The following ADAMTS12 variants were observed in gnomAD, a reference collection of about 807,000 sequenced individuals.
ADAMTS12 encodes ADAM metallopeptidase with thrombospondin type 1 motif 12.
In ADAMTS12, 118 loss-of-function variants were observed where a neutral mutation model predicts 167.8. That is an observed-to-expected ratio of 0.70 (90% CI 0.61 to 0.82). The LOEUF (loss-of-function observed/expected upper bound fraction) is 0.82, where lower values mean the gene tolerates loss of function less well. ADAMTS12 is among the 40% of genes least tolerant of loss of function. The pLI is 0.00. For missense variants in ADAMTS12, 1,916 were observed against 1,998.8 expected, an observed-to-expected ratio of 0.96 and a Z score of 0.79; for synonymous variants, 704 against 716.9, an observed-to-expected ratio of 0.98 and a Z score of 0.29.
At chr5:33,543,304 C>G (rs1215196144) in intron 22 of ADAMTS12, among the ~76,000 whole-genome samples, 5 of 152,112 alleles carry the variant, frequency 3.3e-5, no homozygotes, top group Non-Finnish European at 7.4e-5. Flanking sequence ...CCTACCAAGG[C>G]TAAACCAGGA....
At chr5:33,888,395 G>T (rs915023518) in intron 1 of ADAMTS12, among the ~76,000 whole-genome samples, 3 of 152,186 alleles carry the variant, frequency 2.0e-5, no homozygotes, top group African/African-American at 7.2e-5. Context: ...GTATGCCACA[G>T]AAGGTTGGAT....
intron 23 of ADAMTS12, among the ~76,000 whole-genome samples, chr5:33,534,416 C>T (rs1198308170): frequency 6.6e-6 from 1 of 152,184 alleles, no homozygotes; most frequent in Non-Finnish European, 1.5e-5. Context: ...GAGCCTGCTT[C>T]TGGGGGACCT....
rs753119205 is a variant in ADAMTS12, at chr5:33,637,700, G to A, written c.1765C>T (p.Arg589Cys). 13 of 1,613,506 alleles carry A rather than the reference G, an allele frequency of 8.1e-6. No individual in the cohort carries two copies. Among genetic ancestry groups the A allele is most frequent in the South Asian group, 2.2e-5 (2 of 91,066 alleles). Residue 589 changes from arginine to cysteine, a missense_variant, in exon 12 of 24, where the codon CGC becomes TGC. By Grantham distance (180) the Arg-to-Cys change is radical (BLOSUM62 -3). Coordinates refer to ENST00000504830, the MANE Select transcript of ADAMTS12 (RefSeq NM_030955.4). ...KYCTGERKRY[R>C]LCNVHPCRSE... ...CGACAGGGGTGGACGTTGCACAAGC[G>A]ATAGCGTTTTCTTTCTCCAGTGCAA...
chr5:33,881,283 T>C lies in ADAMTS12; in HGVS notation c.325A>G (p.Asn109Asp), dbSNP rs775396354. 4.6e-5 allele frequency: 75 copies of C among 1,614,118 alleles called. No individual in the cohort carries two copies. The East Asian group carries it at 8.2e-4, about 18-fold the overall frequency. Residue 109 changes from asparagine to aspartate, a missense_variant, in exon 2 of 24, where the codon AAT becomes GAT. Asn to Asp is a conservative substitution (Grantham distance 23, BLOSUM62 1). Transcript: ENST00000504830. ...EKDLFFNLTV[N>D]QGFLSNSYIM... is the part of the protein sequence containing the mutation. ...TAGCTATTGGAAAGAAATCCTTGATTGACCGTCAAGTTAAAAAACAGGTCC... is the reference window on the plus strand; with the variant it reads ...TAGCTATTGGAAAGAAATCCTTGATCGACCGTCAAGTTAAAAAACAGGTCC...
At chr5:33,572,473 T>G (rs1207305107) in intron 19 of ADAMTS12, among the ~76,000 whole-genome samples, 2 of 151,190 alleles carry the variant, frequency 1.3e-5, no homozygotes, top group Non-Finnish European at 2.9e-5. Context: ...TAATCCAGCA[T>G]ATAAACAGAA....
At chr5:33,702,974 C>T (rs542197040) in intron 3 of ADAMTS12, among the ~76,000 whole-genome samples, 13 of 152,302 alleles carry the variant, frequency 8.5e-5, no homozygotes, top group Admixed American at 2.0e-4. Context: ...TTCCTACAAC[C>T]TGTTCATCCA....
At chr5:33,572,949 C>T (rs1746469055) in intron 19 of ADAMTS12, among the ~76,000 whole-genome samples, 1 of 146,640 alleles carries the variant, frequency 6.8e-6, no homozygotes, top group Non-Finnish European at 1.5e-5. Flanking sequence ...TTCTTATACA[C>T]CAATAACAGA....
At chr5:33,560,598 A>T (rs1330993550) in intron 20 of ADAMTS12, among the ~76,000 whole-genome samples, 1 of 152,162 alleles carries the variant, frequency 6.6e-6, no homozygotes, top group Admixed American at 6.5e-5. Context: ...GCCATAAAAA[A>T]TGATAAGTGC....
At chr5:33,876,180 T>A (rs1750217793) in intron 2 of ADAMTS12, among the ~76,000 whole-genome samples, 1 of 152,162 alleles carries the variant, frequency 6.6e-6, no homozygotes, top group African/African-American at 2.4e-5. Context: ...CATACCATGT[T>A]CATGGATCAC....
intron 13 of ADAMTS12, among the ~76,000 whole-genome samples, chr5:33,628,583 T>A (rs912987036): frequency 1.3e-5 from 2 of 152,158 alleles, no homozygotes; most frequent in African/African-American, 4.8e-5. Context: ...GCAACCAAGT[T>A]TTCATATTCA....
chr5:33,693,437 A>C (rs1742628099), intron 3 of ADAMTS12, among the ~76,000 whole-genome samples: 1 of 152,188 alleles, frequency 6.6e-6, no homozygotes, highest in Admixed American at 6.5e-5. Flanking sequence ...GTACACACAA[A>C]CATATTTACA....
At chr5:33,876,495 T>G (rs1336603671) in intron 2 of ADAMTS12, among the ~76,000 whole-genome samples, 3 of 152,082 alleles carry the variant, frequency 2.0e-5, no homozygotes, top group African/African-American at 7.2e-5. Flanking sequence ...TTTACAAAAG[T>G]GCAAAAGCAA....
At chr5:33,712,548 G>A (rs1692017970) in intron 3 of ADAMTS12, among the ~76,000 whole-genome samples, 1 of 152,130 alleles carries the variant, frequency 6.6e-6, no homozygotes, top group South Asian at 2.1e-4. Flanking sequence ...TTCAGTTGAA[G>A]GTACTGAGTG....
chr5:33,611,704 A>T (rs1738738042), intron 16 of ADAMTS12, among the ~76,000 whole-genome samples: 1 of 152,196 alleles, frequency 6.6e-6, no homozygotes, highest in South Asian at 2.1e-4. Context: ...AGCAATAAGG[A>T]ATTGGTTAAG....
chr5:33,551,421 T>G (rs1162324735), intron 20 of ADAMTS12, among the ~76,000 whole-genome samples: 2 of 152,150 alleles, frequency 1.3e-5, no homozygotes, highest in Non-Finnish European at 2.9e-5. Flanking sequence ...TGCCACACAG[T>G]AAGCACACAA....
At chr5:33,701,579 G>C (rs1280567021) in intron 3 of ADAMTS12, among the ~76,000 whole-genome samples, 1 of 152,140 alleles carries the variant, frequency 6.6e-6, no homozygotes, top group African/African-American at 2.4e-5. Context: ...GAATTACTGA[G>C]AAGTTCTCTT....
At chr5:33,658,469 A>C in intron 6 of ADAMTS12, 136 bp from the exon 7 acceptor site, 1 of 943,234 alleles carries the variant, frequency 1.1e-6, no homozygotes, top group Non-Finnish European at 1.5e-6. Context: ...AGTCTACATG[A>C]ATGTAGGCAG....
chr5:33,761,767 G>C (rs1046757287), intron 2 of ADAMTS12, among the ~76,000 whole-genome samples: 3 of 152,182 alleles, frequency 2.0e-5, no homozygotes, highest in African/African-American at 7.2e-5. Flanking sequence ...GAATAGGTCT[G>C]AGTAACTGTA....
chr5:33,581,524 C>T (rs1178842641), intron 18 of ADAMTS12, among the ~76,000 whole-genome samples: 1 of 152,126 alleles, frequency 6.6e-6, no homozygotes, highest in East Asian at 1.9e-4. Flanking sequence ...AAAACACAGT[C>T]GGAGTTTATC....
Sources: gnomAD v4.1 joint callset for allele counts (sites outside exome capture counted in the v4.1 genomes callset) on GRCh38, gnomAD v4.1.1 for gene constraint, MANE v1.5 for transcripts, NCBI Gene and HGNC (gene_info 2026-07-23, HGNC 2026-07-21) for gene names.